The following LRMDA variants were observed in gnomAD, a reference collection of about 807,000 sequenced individuals.
The protein encoded by LRMDA is leucine rich melanocyte differentiation associated.
LRMDA carries 18 observed loss-of-function variants against 29.8 expected under a neutral mutation model. The ratio of observed to expected loss-of-function variants is 0.60; its 90% CI spans 0.42 to 0.90. The LOEUF (loss-of-function observed/expected upper bound fraction) is 0.90, where lower values mean the gene tolerates loss of function less well. LRMDA is among the 40% of genes least tolerant of loss of function. The pLI is 0.00. For synonymous variants in LRMDA, 125 were observed against 109.4 expected (o/e 1.14, Z -0.89); for missense variants, 273 against 273.9 (o/e 1.00, Z 0.02).
At chr10:75,565,031 C>G (rs1402764729) in intron 2 of LRMDA, among the ~76,000 whole-genome samples, 1 of 152,188 alleles carries the variant, frequency 6.6e-6, no homozygotes, top group Non-Finnish European at 1.5e-5. Context: ...CTGGCAACCT[C>G]TCTCTCAAAA....
chr10:75,486,734 T>C (rs188273062), intron 2 of LRMDA, among the ~76,000 whole-genome samples: 1 of 152,336 alleles, frequency 6.6e-6, no homozygotes, highest in Non-Finnish European at 1.5e-5. Context: ...GCTTTCTCTC[T>C]ATGATGGCTG....
intron 1 of LRMDA, among the ~76,000 whole-genome samples, chr10:75,437,454 G>A (rs927471638): frequency 4.6e-5 from 7 of 152,204 alleles, no homozygotes; most frequent in Non-Finnish European, 1.0e-4. Context: ...TGAGCATGTT[G>A]TATTTTAGGG....
chr10:76,399,377 C>T (rs1564530676), intron 6 of LRMDA, among the ~76,000 whole-genome samples: 1 of 152,116 alleles, frequency 6.6e-6, no homozygotes, highest in South Asian at 2.1e-4. Flanking sequence ...GGTCCTCTTC[C>T]GGCCCTTCTG....
chr10:76,155,592 C>T (rs1157262495), intron 5 of LRMDA, among the ~76,000 whole-genome samples: 3 of 152,142 alleles, frequency 2.0e-5, no homozygotes, highest in African/African-American at 7.2e-5. Flanking sequence ...TAACTTACAT[C>T]CCAGCTGAGG....
chr10:75,545,759 A>C (rs1173940595), intron 2 of LRMDA, among the ~76,000 whole-genome samples: 1 of 152,224 alleles, frequency 6.6e-6, no homozygotes, highest in Non-Finnish European at 1.5e-5. Flanking sequence ...TCTCTGCAGT[A>C]TTAAGCTTGT....
intron 2 of LRMDA, among the ~76,000 whole-genome samples, chr10:75,630,343 A>G (rs894442484): frequency 2.0e-5 from 3 of 152,234 alleles, no homozygotes; most frequent in Non-Finnish European, 2.9e-5. Flanking sequence ...AAGGACTAGC[A>G]TAGTTTCGGA....
At chr10:76,439,711 A>T (rs377107441) in intron 6 of LRMDA, among the ~76,000 whole-genome samples, 10 of 152,320 alleles carry the variant, frequency 6.6e-5, no homozygotes, top group Admixed American at 2.6e-4. Flanking sequence ...CTGCGCCTGC[A>T]CCCAGTGCTT....
At chr10:75,985,383 T>C (rs879159402) in intron 2 of LRMDA, among the ~76,000 whole-genome samples, 1 of 152,216 alleles carries the variant, frequency 6.6e-6, no homozygotes, top group Admixed American at 6.5e-5. Context: ...ACTCCAGGCC[T>C]GACTAGAGCC....
intron 6 of LRMDA, among the ~76,000 whole-genome samples, chr10:76,439,776 G>A (rs1842282053): frequency 6.6e-6 from 1 of 152,190 alleles, no homozygotes; most frequent in Admixed American, 6.5e-5. Context: ...TGTGCTAAAT[G>A]CAGGCGTATG....
intron 2 of LRMDA, among the ~76,000 whole-genome samples, chr10:76,007,780 G>C (rs542399447): frequency 6.6e-6 from 1 of 152,230 alleles, no homozygotes; most frequent in South Asian, 2.1e-4. Context: ...AGGATTTATC[G>C]TCAGAATCAG....
intron 2 of LRMDA, among the ~76,000 whole-genome samples, chr10:75,704,386 T>A (rs1253167348): frequency 1.3e-5 from 2 of 152,234 alleles, no homozygotes; most frequent in Non-Finnish European, 2.9e-5. Flanking sequence ...TATTATTTTG[T>A]ACTCATACCT....
chr10:76,334,077 G>A (rs1450713744), intron 6 of LRMDA, among the ~76,000 whole-genome samples: 2 of 152,188 alleles, frequency 1.3e-5, no homozygotes, highest in African/African-American at 4.8e-5. Context: ...CAAAAAGCAG[G>A]CAGAGCAGCC....
chr10:76,314,594 G>T (rs2132383353), intron 5 of LRMDA, among the ~76,000 whole-genome samples: 1 of 152,308 alleles, frequency 6.6e-6, no homozygotes, highest in East Asian at 1.9e-4. Flanking sequence ...TACAAATTCA[G>T]TAGACTCAAT....
intron 5 of LRMDA, among the ~76,000 whole-genome samples, chr10:76,094,100 C>G (rs1442705765): frequency 6.6e-6 from 1 of 152,120 alleles, no homozygotes; most frequent in Admixed American, 6.5e-5. Flanking sequence ...AATAGGTGGT[C>G]CAGACTTTGG....
At chr10:75,688,527 A>G (rs1842108838) in intron 2 of LRMDA, among the ~76,000 whole-genome samples, 1 of 152,230 alleles carries the variant, frequency 6.6e-6, no homozygotes, top group Non-Finnish European at 1.5e-5. Context: ...TCAGTAAAGA[A>G]AGTAGTTTCT....
intron 2 of LRMDA, among the ~76,000 whole-genome samples, chr10:75,927,604 T>C (rs1846141046): frequency 6.6e-6 from 1 of 152,154 alleles, no homozygotes; most frequent in Admixed American, 6.5e-5. Context: ...ACCTCCTGAA[T>C]TGAGGTAAGG....
chr10:75,615,891 C>G (rs1242927396), intron 2 of LRMDA, among the ~76,000 whole-genome samples: 1 of 152,158 alleles, frequency 6.6e-6, no homozygotes, highest in Non-Finnish European at 1.5e-5. Context: ...AGGCAGTATA[C>G]TGAATGGACT....
intron 2 of LRMDA, among the ~76,000 whole-genome samples, chr10:75,709,095 C>T (rs911971168): frequency 1.3e-5 from 2 of 152,190 alleles, no homozygotes; most frequent in Non-Finnish European, 2.9e-5. Flanking sequence ...CTCTCATCTT[C>T]ATCTTTTGTC....
At chr10:76,531,928 A>G (rs1011602856) in intron 6 of LRMDA, among the ~76,000 whole-genome samples, 6 of 152,324 alleles carry the variant, frequency 3.9e-5, no homozygotes, top group Admixed American at 6.5e-5. Flanking sequence ...TCATGGGCCA[A>G]TAGTGAACTC....
Sources: allele counts gnomAD v4.1 joint callset (sites outside exome capture counted in the v4.1 genomes callset), GRCh38; gene constraint gnomAD v4.1.1; transcripts MANE v1.5; gene names NCBI Gene and HGNC (gene_info 2026-07-23, HGNC 2026-07-21).